The following VWF variants were observed in gnomAD, a reference collection of about 807,000 sequenced individuals.
VWF encodes Factor VIII related antigen.
In VWF, 176 loss-of-function variants were observed where a neutral mutation model predicts 308.6. The observed-to-expected ratio is 0.57, with a 90% confidence interval of 0.50 to 0.65. The LOEUF is 0.65. Ranked by LOEUF, VWF falls within the 30% of genes least tolerant of loss-of-function variation. The probability of loss-of-function intolerance (pLI) is 0.00; values close to 1 mark genes in which losing one functional copy is unlikely to be tolerated. For synonymous variants in VWF, 1,385 were observed against 1,443.4 expected (o/e 0.96, Z 0.92); for missense variants, 3,146 against 3,648.2 (o/e 0.86, Z 3.55).
intron 7 of VWF, 67 bp from the exon 8 acceptor site, chr12:6,073,808 G>A (rs1303013853): frequency 1.2e-6 from 2 of 1,608,230 alleles, no homozygotes; most frequent in Admixed American, 1.7e-5. Context: ...CACCAGCCAT[G>A]CCACAGCCTG....
intron 16 of VWF, among the ~76,000 whole-genome samples, chr12:6,051,652 CGG>C (rs1231102860): frequency 1.3e-5 from 2 of 152,040 alleles, no homozygotes; most frequent in Non-Finnish European, 2.9e-5. Flanking sequence ...CTCTGTCGCC[CGG>C]GCTAGAATGC....
At chr12:5,970,262 C>G (rs575824072) in intron 44 of VWF, among the ~76,000 whole-genome samples, 1 of 152,178 alleles carries the variant, frequency 6.6e-6, no homozygotes. Context: ...CACCACCCCC[C>G]GCTGACCCCT....
At chr12:6,108,334 T>TATATATAC (rs374693235) in intron 5 of VWF, among the ~76,000 whole-genome samples, 20 of 124,196 alleles carry the variant, frequency 1.6e-4, no homozygotes, top group African/African-American at 5.5e-4. Context: ...AAGAAATATA[T>TATATATAC]ACACACACAC....
chr12:6,083,056 C>T (rs901074865), intron 6 of VWF, among the ~76,000 whole-genome samples: 2 of 152,154 alleles, frequency 1.3e-5, no homozygotes, highest in Non-Finnish European at 2.9e-5. Flanking sequence ...GTTGCCCAGG[C>T]TGGAGTGCAA....
intron 47 of VWF, chr12:5,953,989 G>T: frequency 4.6e-6 from 1 of 218,130 alleles, no homozygotes; most frequent in Non-Finnish European, 9.2e-6. Context: ...TAATCACCCA[G>T]TCTTTCAAAC....
rs145627128 is a variant in VWF, at chr12:5,966,743, C to A, written c.7887+743G>T. Reference sequence around the variant, plus strand: ...CGCCATAGTTCATGCATCTAGCTCACAAGAGACTCCTCTGACCAATGGCAT... The same window carrying A: ...CGCCATAGTTCATGCATCTAGCTCAAAAGAGACTCCTCTGACCAATGGCAT... On this transcript the variant is annotated intron_variant, in intron 47 of 51. Coordinates refer to ENST00000261405, the MANE Select transcript of VWF (RefSeq NM_000552.5). 7.4e-3 allele frequency among the ~76,000 whole-genome samples: 1,121 copies of A among 152,326 alleles called. 11 individuals carry two copies. Among genetic ancestry groups the A allele is most frequent in the African/African-American group, 0.026 (1,066 of 41,562 alleles).
intron 7 of VWF, 65 bp from the exon 8 acceptor site, chr12:6,073,806 A>G: frequency 6.2e-7 from 1 of 1,609,754 alleles, no homozygotes; most frequent in East Asian, 2.2e-5. Flanking sequence ...CTCACCAGCC[A>G]TGCCACAGCC....
chr12:6,056,828 G>A (rs1944583981), intron 15 of VWF, 29 bp downstream of exon 15: 5 of 1,357,222 alleles, frequency 3.7e-6, no homozygotes, highest in African/African-American at 3.1e-5. Context: ...GGGGCGGCCC[G>A]GAGGGCTGCG....
intron 41 of VWF, among the ~76,000 whole-genome samples, chr12:5,982,574 T>G (rs1943618853): frequency 6.6e-6 from 1 of 152,162 alleles, no homozygotes; most frequent in African/African-American, 2.4e-5. Context: ...CCTCCCACCT[T>G]GAAGTCTCAC....
intron 3 of VWF, among the ~76,000 whole-genome samples, chr12:6,117,268 G>A (rs1945378108): frequency 6.6e-6 from 1 of 152,216 alleles, no homozygotes. Flanking sequence ...GGGTTTTGAG[G>A]TAGACAGGCC....
chr12:6,052,454 C>T lies in VWF; in HGVS notation c.2186+89G>A, dbSNP rs959769688. On this transcript the variant is annotated intron_variant, in intron 16 of 51. Coordinates refer to ENST00000261405, the MANE Select transcript of VWF (RefSeq NM_000552.5). ...ACTTCCTTCCTTGGGCCCCAGTTTA[C>T]CCATCCATGAAGTAAAGGACTTGGG... is the stretch of plus-strand genomic sequence containing the variant. The T allele has an allele frequency of 7.5e-6, 12 of 1,593,856 alleles. No homozygotes were observed. In the African/African-American group the frequency reaches 1.6e-4, roughly 21 times the overall value.
At chr12:6,109,240 GAC>G (rs755650506) in intron 5 of VWF, among the ~76,000 whole-genome samples, 5 of 147,902 alleles carry the variant, frequency 3.4e-5, no homozygotes, top group African/African-American at 5.1e-5. Flanking sequence ...GAGACACACA[GAC>G]ACACACACAC....
At chr12:5,982,628 G>A (rs892695734) in intron 41 of VWF, among the ~76,000 whole-genome samples, 4 of 152,126 alleles carry the variant, frequency 2.6e-5, no homozygotes, top group African/African-American at 7.2e-5. Context: ...GGACAAGAAC[G>A]CCAACGGAGT....
chr12:6,032,204 G>A (rs68016893), intron 20 of VWF, among the ~76,000 whole-genome samples: 37,999 of 151,908 alleles, frequency 0.25, 5,087 homozygotes, highest in African/African-American at 0.32. Context: ...TGATGAAAAA[G>A]AAAGATAAAA....
intron 32 of VWF, 111 bp downstream of exon 32, chr12:6,013,370 A>T: frequency 7.3e-7 from 1 of 1,372,608 alleles, no homozygotes; most frequent in South Asian, 1.2e-5. Context: ...TTCAAGGCCA[A>T]ATCTTATGCA....
chr12:5,994,463 G>C lies in VWF; in HGVS notation c.6208C>G (p.Leu2070Val). 1 of 1,614,204 alleles carries C rather than the reference G, an allele frequency of 6.2e-7. No homozygotes were observed. Among genetic ancestry groups the C allele is most frequent in the South Asian group, 1.1e-5 (1 of 91,072 alleles). Residue 2070 changes from leucine (L) to valine (V), a missense_variant, in exon 36 of 52, where the codon CTG becomes GTG. This residue lies in a region of VWF where 989 missense variants were observed against 1,117.4 expected (regional missense o/e 0.89). Coordinates refer to ENST00000261405, the MANE Select transcript of VWF (RefSeq NM_000552.5). ...GCAAAAGTCTTGGGGCTGAGCTGCA[G>C]TTGGAACTCATTGTTTTGTGGAGTG... ...TFTPQNNEFQ[L>V]QLSPKTFASK...
intron 5 of VWF, among the ~76,000 whole-genome samples, chr12:6,097,870 T>C (rs1327153205): frequency 1.3e-5 from 2 of 152,212 alleles, no homozygotes; most frequent in South Asian, 2.1e-4. Flanking sequence ...GTTTTGACAC[T>C]TTCTAATAAA....
chr12:6,025,711 G>A lies in VWF; in HGVS notation c.3109-18C>T, dbSNP rs553895003. 74 of 1,326,678 alleles carry A rather than the reference G, an allele frequency of 5.6e-5. No homozygotes were observed. In the African/African-American group the frequency reaches 8.6e-4, roughly 15 times the overall value. 82.2% of individuals were successfully genotyped at this position (1,326,678 alleles called of 1,614,324 possible). On this transcript the variant is annotated intron_variant, in intron 23 of 51. Transcript: ENST00000261405. ...AGAGGCACCTGGGAACCAGGCAAGA[G>A]ATAGGCCAGCCGTCAGCTGGTCAAA...
chr12:6,082,186 C>T (rs770354190), intron 6 of VWF, among the ~76,000 whole-genome samples: 2 of 152,180 alleles, frequency 1.3e-5, no homozygotes, highest in African/African-American at 4.8e-5. Flanking sequence ...AGGCTGGTCT[C>T]GAACTCCTGA....
Sources: allele counts gnomAD v4.1 joint callset (sites outside exome capture counted in the v4.1 genomes callset), GRCh38; gene constraint gnomAD v4.1.1; regional missense constraint gnomAD v4.1.1; transcripts MANE v1.5; gene names NCBI Gene and HGNC (gene_info 2026-07-23, HGNC 2026-07-21).